SORCS2: variants seen among roughly 807,000 people sequenced by gnomAD.
The protein encoded by SORCS2 is sortilin related VPS10 domain containing receptor 2.
In SORCS2, 100 loss-of-function variants were observed where a neutral mutation model predicts 141.6. The observed-to-expected ratio is 0.71, with a 90% confidence interval of 0.60 to 0.83. The LOEUF (loss-of-function observed/expected upper bound fraction) is 0.83, where lower values mean the gene tolerates loss of function less well. Among genes scored for constraint, SORCS2 ranks in the 40% least tolerant of loss-of-function variants. The pLI, the probability that SORCS2 is intolerant of heterozygous loss-of-function variation, is 0.00. For missense variants in SORCS2, 1,646 were observed against 1,560.2 expected (o/e 1.05, Z -0.93); for synonymous variants, 789 against 676.9 (o/e 1.17, Z -2.57).
At chr4:7,207,593 A>T (rs186607951) in intron 1 of SORCS2, among the ~76,000 whole-genome samples, 22 of 152,320 alleles carry the variant, frequency 1.4e-4, no homozygotes, top group Non-Finnish European at 3.1e-4. Flanking sequence ...TGGCACATAT[A>T]AGTAAAGGTA....
intron 1 of SORCS2, among the ~76,000 whole-genome samples, chr4:7,389,108 C>T (rs370801359): frequency 6.6e-6 from 1 of 152,140 alleles, no homozygotes; most frequent in Admixed American, 6.5e-5. Context: ...TCTTGGAAAG[C>T]GGCTTGTTGG....
At chr4:7,415,445 TG>T (rs1725603302) in intron 2 of SORCS2, among the ~76,000 whole-genome samples, 1 of 152,250 alleles carries the variant, frequency 6.6e-6, no homozygotes, top group Admixed American at 6.5e-5. Context: ...ACCCTTTTTT[TG>T]TTGTCCCACA....
At chr4:7,579,603 C>G (rs934890450) in intron 3 of SORCS2, among the ~76,000 whole-genome samples, 1 of 152,104 alleles carries the variant, frequency 6.6e-6, no homozygotes, top group Non-Finnish European at 1.5e-5. Flanking sequence ...TCCCTGAAGC[C>G]TCAGGGCCAG....
chr4:7,259,438 AG>A (rs1356096346), intron 1 of SORCS2, among the ~76,000 whole-genome samples: 6 of 152,222 alleles, frequency 3.9e-5, no homozygotes, highest in Non-Finnish European at 8.8e-5. Context: ...TCGTAGGCCC[AG>A]GGTATGTGGC....
intron 2 of SORCS2, among the ~76,000 whole-genome samples, chr4:7,473,601 C>G (rs1289896130): frequency 1.3e-5 from 2 of 152,168 alleles, no homozygotes; most frequent in Non-Finnish European, 1.5e-5. Flanking sequence ...AAACCCAAGA[C>G]AGAATCGGGT....
intron 1 of SORCS2, among the ~76,000 whole-genome samples, chr4:7,283,396 G>A (rs936657798): frequency 3.9e-5 from 6 of 152,210 alleles, no homozygotes; most frequent in South Asian, 2.1e-4. Context: ...AAGCAAGACC[G>A]GGGCAAAGTG....
At chr4:7,364,148 T>C (rs560919068) in intron 1 of SORCS2, among the ~76,000 whole-genome samples, 119 of 152,262 alleles carry the variant, frequency 7.8e-4, no homozygotes, top group African/African-American at 2.8e-3. Flanking sequence ...TCATCATCAT[T>C]ATTGTCATCA....
chr4:7,652,139 T>C (rs549867132), intron 4 of SORCS2, among the ~76,000 whole-genome samples: 25 of 152,238 alleles, frequency 1.6e-4, no homozygotes, highest in African/African-American at 5.3e-4. Flanking sequence ...CTGATAGAGA[T>C]GCCTTCCCCA....
chr4:7,542,448 C>A (rs537679421), intron 3 of SORCS2, among the ~76,000 whole-genome samples: 1 of 152,174 alleles, frequency 6.6e-6, no homozygotes, highest in South Asian at 2.1e-4. Flanking sequence ...GGGCAGGTGA[C>A]ACGAAGACAT....
At chr4:7,550,116 GTGTGTGTA>G (rs1217012360) in intron 3 of SORCS2, among the ~76,000 whole-genome samples, 5 of 102,194 alleles carry the variant, frequency 4.9e-5, no homozygotes, top group Admixed American at 1.1e-4. Flanking sequence ...TTCCGTGTGT[GTGTGTGTA>G]TGTGTGTATG....
At chr4:7,287,681 G>T (rs2108871102) in intron 1 of SORCS2, among the ~76,000 whole-genome samples, 1 of 152,316 alleles carries the variant, frequency 6.6e-6, no homozygotes, top group South Asian at 2.1e-4. Context: ...GACAATACTG[G>T]CATTGACTGT....
At chr4:7,539,011 T>C (rs536751140) in intron 3 of SORCS2, among the ~76,000 whole-genome samples, 1 of 152,154 alleles carries the variant, frequency 6.6e-6, no homozygotes, top group East Asian at 1.9e-4. Context: ...GTAAGGATGC[T>C]CATGGGCCAT....
At chr4:7,322,701 C>G (rs896922700) in intron 1 of SORCS2, among the ~76,000 whole-genome samples, 4 of 152,154 alleles carry the variant, frequency 2.6e-5, no homozygotes, top group African/African-American at 7.2e-5. Flanking sequence ...GCACACACTC[C>G]GTGGACTACA....
At position 7,675,769 on chromosome 4, in the gene SORCS2, G is replaced by A. The variant is rs77834748; in HGVS notation, c.1162-281G>A. Among the ~76,000 whole-genome samples the A allele has an allele frequency of 3.3e-3, 497 of 152,314 alleles. 5 individuals carry two copies. The highest frequency in any genetic ancestry group is 5.4e-3 in the Non-Finnish European group (369 of 68,014). On this transcript the variant is annotated intron_variant, in intron 8 of 26. Transcript: ENST00000507866. ...GATGGACGGCCTGATGTGGGACCAG[G>A]AGGAGGAGGTGTCCCCAGGCCACCC...
intron 2 of SORCS2, among the ~76,000 whole-genome samples, chr4:7,525,018 C>T (rs180827475): frequency 2.6e-5 from 4 of 152,370 alleles, no homozygotes; most frequent in East Asian, 3.9e-4. Context: ...CTCCTTTTCT[C>T]GGACACAGCG....
intron 1 of SORCS2, among the ~76,000 whole-genome samples, chr4:7,302,798 T>TGTGTGTGC (rs1553833460): frequency 7.1e-6 from 1 of 141,152 alleles, no homozygotes; most frequent in African/African-American, 2.6e-5. Context: ...TGCGCGCGCG[T>TGTGTGTGC]GTGTGTGTGT....
At chr4:7,474,587 C>T (rs1219764460) in intron 2 of SORCS2, among the ~76,000 whole-genome samples, 1 of 152,136 alleles carries the variant, frequency 6.6e-6, no homozygotes, top group Admixed American at 6.5e-5. Flanking sequence ...GCATGGGGTG[C>T]TGGGTGGGCC....
chr4:7,554,486 C>G (rs1479103950), intron 3 of SORCS2, among the ~76,000 whole-genome samples: 2 of 152,134 alleles, frequency 1.3e-5, no homozygotes, highest in African/African-American at 4.8e-5. Context: ...TACTCCTGAC[C>G]AAGAATACCT....
intron 2 of SORCS2, among the ~76,000 whole-genome samples, chr4:7,424,343 C>A (rs1169060408): frequency 2.0e-5 from 3 of 152,236 alleles, no homozygotes; most frequent in African/African-American, 7.2e-5. Context: ...GAAGGACTGG[C>A]AAGCTCTGTC....
Sources: allele counts gnomAD v4.1 joint callset (sites outside exome capture counted in the v4.1 genomes callset), GRCh38; gene constraint gnomAD v4.1.1; transcripts MANE v1.5; gene names NCBI Gene and HGNC (gene_info 2026-07-23, HGNC 2026-07-21).